The following AFAP1 variants were observed in gnomAD, a reference collection of about 807,000 sequenced individuals.
The protein encoded by AFAP1 is actin filament associated protein 1.
AFAP1 carries 75 observed loss-of-function variants against 93.9 expected under a neutral mutation model. That is an observed-to-expected ratio of 0.80 (90% CI 0.66 to 0.97). AFAP1 has a LOEUF of 0.97. Ranked by LOEUF, AFAP1 falls within the 50% of genes least tolerant of loss-of-function variation. AFAP1 has a pLI of 0.00. For synonymous variants in AFAP1, 517 were observed against 430.7 expected (o/e 1.20, Z -2.48); for missense variants, 1,201 against 1,050.8 (o/e 1.14, Z -1.98).
intron 6 of AFAP1, among the ~76,000 whole-genome samples, chr4:7,822,586 C>CTTTTTTTTTTTTTTT (rs5855982): frequency 7.5e-6 from 1 of 132,560 alleles, no homozygotes; most frequent in Non-Finnish European, 1.6e-5. Context: ...TTTCTTTTTT[C>CTTTTTTTTTTTTTTT]TTTTTTTTTT....
In AFAP1 at chr4:7,907,131, AG is replaced by A. The variant is rs111970996; in HGVS notation, c.-3+32524del. Among the ~76,000 whole-genome samples, 216 of 152,366 alleles carry A rather than the reference AG, an allele frequency of 1.4e-3. 1 individual carries two copies. The highest frequency in any genetic ancestry group is 5.0e-3 in the African/African-American group (206 of 41,586). ...CATAAAAAGCATTTAGCGACTTAAA[AG>A]ACATTCAATACAACTTGTAACAGTG... On this transcript the variant is annotated intron_variant, in intron 1 of 17. Transcript: ENST00000420658.
At chr4:7,880,778 C>A (rs191319099) in intron 1 of AFAP1, among the ~76,000 whole-genome samples, 24 of 152,324 alleles carry the variant, frequency 1.6e-4, no homozygotes, top group African/African-American at 5.5e-4. Context: ...TCTGTCTCCG[C>A]TCTCCTACAA....
chr4:7,905,977 G>T (rs977186026), intron 1 of AFAP1, among the ~76,000 whole-genome samples: 3 of 152,224 alleles, frequency 2.0e-5, no homozygotes, highest in Non-Finnish European at 4.4e-5. Context: ...ACGCACAAGG[G>T]CCAGCCTGGG....
At chr4:7,783,719 A>G (rs1480788954) in intron 12 of AFAP1, among the ~76,000 whole-genome samples, 4 of 152,222 alleles carry the variant, frequency 2.6e-5, no homozygotes, top group African/African-American at 9.6e-5. Context: ...GAGTGTCATA[A>G]AAGTCTGAAT....
chr4:7,841,665 T>C (rs1334267807), intron 5 of AFAP1, among the ~76,000 whole-genome samples: 1 of 152,230 alleles, frequency 6.6e-6, no homozygotes, highest in Non-Finnish European at 1.5e-5. Context: ...ATCTGGGCCC[T>C]GAATGATAGG....
chr4:7,896,390 CAACGAGGG>C (rs1467296764), intron 1 of AFAP1, among the ~76,000 whole-genome samples: 1 of 152,046 alleles, frequency 6.6e-6, no homozygotes, highest in Non-Finnish European at 1.5e-5. Flanking sequence ...CAAGCACCTC[CAACGAGGG>C]GTCTGATCAC....
chr4:7,834,128 C>T (rs28599660), intron 6 of AFAP1, among the ~76,000 whole-genome samples: 4,963 of 119,428 alleles, frequency 0.042, 155 homozygotes, highest in Admixed American at 0.092. Context: ...CACACACACA[C>T]ATATATACAA....
Position 7,763,412 on chromosome 4 carries a change from G to T in AFAP1, c.*353C>A. 1 of 232,274 alleles carries T rather than the reference G, an allele frequency of 4.3e-6. No individual in the cohort carries two copies. Among genetic ancestry groups the T allele is most frequent in the Non-Finnish European group, 8.3e-6 (1 of 120,186 alleles). 14.4% of individuals were successfully genotyped at this position (232,274 alleles called of 1,614,324 possible). ...CCAGGTTTTCATCTGGGGGCTCATG[G>T]AACCATCCATCCTCAGTCCAGGGCT... is the stretch of plus-strand genomic sequence containing the variant. On this transcript the variant is annotated 3_prime_UTR_variant, in exon 18 of 18. Coordinates refer to ENST00000420658, the MANE Select transcript of AFAP1 (RefSeq NM_001134647.2).
intron 9 of AFAP1, among the ~76,000 whole-genome samples, chr4:7,801,931 A>AC (rs1167572268): frequency 4.0e-4 from 60 of 151,090 alleles, no homozygotes; most frequent in Non-Finnish European, 8.1e-4. Context: ...AAAAAAAAAA[A>AC]AAAAAAAAAA....
intron 5 of AFAP1, among the ~76,000 whole-genome samples, 168 bp from the exon 6 acceptor site, chr4:7,838,871 T>C (rs1712644176): frequency 6.6e-6 from 1 of 151,588 alleles, no homozygotes; most frequent in Non-Finnish European, 1.5e-5. Flanking sequence ...CACACAGTGC[T>C]CTTCACAGAC....
intron 17 of AFAP1, among the ~76,000 whole-genome samples, chr4:7,764,557 C>T (rs772283058): frequency 3.3e-5 from 5 of 152,162 alleles, no homozygotes; most frequent in African/African-American, 1.2e-4. Flanking sequence ...GTCAATTTTA[C>T]ATCGTGTTTA....
At chr4:7,794,534 T>A (rs189361729) in intron 10 of AFAP1, among the ~76,000 whole-genome samples, 106 of 152,218 alleles carry the variant, frequency 7.0e-4, no homozygotes, top group Non-Finnish European at 7.6e-4. Flanking sequence ...TTATTTATTT[T>A]TTTTTGAGAC....
chr4:7,816,348 A>C (rs1282845881), intron 7 of AFAP1, among the ~76,000 whole-genome samples: 1 of 152,224 alleles, frequency 6.6e-6, no homozygotes, highest in Non-Finnish European at 1.5e-5. Flanking sequence ...TAACCTATAT[A>C]TATACTGTCT....
chr4:7,902,111 A>G (rs1288978591), intron 1 of AFAP1, among the ~76,000 whole-genome samples: 1 of 152,224 alleles, frequency 6.6e-6, no homozygotes, highest in Non-Finnish European at 1.5e-5. Context: ...CTAACCAGTC[A>G]ACAACCCGTC....
chr4:7,842,536 G>C (rs1713161832), intron 5 of AFAP1, among the ~76,000 whole-genome samples: 2 of 152,084 alleles, frequency 1.3e-5, no homozygotes, highest in Admixed American at 6.5e-5. Flanking sequence ...TGGGGAGGGA[G>C]TGGGGAGGAG....
intron 1 of AFAP1, among the ~76,000 whole-genome samples, chr4:7,898,780 G>GTT (rs1414524055): frequency 7.0e-6 from 1 of 142,048 alleles, no homozygotes; most frequent in East Asian, 2.1e-4. Context: ...CCCTTGCCTA[G>GTT]TTTTGTCTTT....
chr4:7,874,919 C>A (rs1043856675), intron 1 of AFAP1, among the ~76,000 whole-genome samples: 1 of 151,666 alleles, frequency 6.6e-6, no homozygotes, highest in Non-Finnish European at 1.5e-5. Context: ...TTCAAATTTG[C>A]CAATTTTAAT....
intron 17 of AFAP1, among the ~76,000 whole-genome samples, chr4:7,766,016 A>C (rs986503162): frequency 6.6e-6 from 1 of 152,192 alleles, no homozygotes; most frequent in Non-Finnish European, 1.5e-5. Context: ...TCATGAGTAC[A>C]CTGCACGTCT....
At chr4:7,914,432 A>G (rs533030009) in intron 1 of AFAP1, among the ~76,000 whole-genome samples, 16 of 152,266 alleles carry the variant, frequency 1.1e-4, no homozygotes, top group South Asian at 6.2e-4. Flanking sequence ...TATTTCACAT[A>G]ATGTCCTCCA....
Sources: gnomAD v4.1 joint callset for allele counts (sites outside exome capture counted in the v4.1 genomes callset) on GRCh38, gnomAD v4.1.1 for gene constraint, MANE v1.5 for transcripts, NCBI Gene and HGNC (gene_info 2026-07-23, HGNC 2026-07-21) for gene names.